Variants in GALNT13 observed in about 807,000 individuals in gnomAD.
GALNT13 encodes polypeptide N-acetylgalactosaminyltransferase 13, also known as UDP-GalNAc:polypeptide N-acetylgalactosaminyltransferase 13.
GALNT13 carries 28 observed loss-of-function variants against 64.2 expected under a neutral mutation model. The ratio of observed to expected loss-of-function variants is 0.44; its 90% CI spans 0.32 to 0.60. The LOEUF (loss-of-function observed/expected upper bound fraction) is 0.60, where lower values mean the gene tolerates loss of function less well. GALNT13 is among the 20% of genes least tolerant of loss of function. The pLI, the probability that GALNT13 is intolerant of heterozygous loss-of-function variation, is 0.05. For missense variants in GALNT13, 577 were observed against 669.8 expected (o/e 0.86, Z 1.53); for synonymous variants, 214 against 224.6 (o/e 0.95, Z 0.42).
At chr2:153,073,172 G>C in the GALNT13 span, among the ~76,000 whole-genome samples, 1 of 152,096 alleles carries the variant, frequency 6.6e-6, no homozygotes, top group Non-Finnish European at 1.5e-5. Context: ...TAAGGTCATG[G>C]ATAAGTTTCC....
intron 3 of GALNT13, among the ~76,000 whole-genome samples, chr2:154,135,707 G>A (rs1022649835): frequency 3.9e-5 from 6 of 152,098 alleles, no homozygotes; most frequent in Non-Finnish European, 7.4e-5. Flanking sequence ...GGTTCTTGTA[G>A]TGTCAGCTAC....
At chr2:153,564,202 A>ATAT in the GALNT13 span, among the ~76,000 whole-genome samples, 8 of 146,240 alleles carry the variant, frequency 5.5e-5, no homozygotes, top group African/African-American at 1.9e-4. Flanking sequence ...TTATATATAT[A>ATAT]TTTTTTTTAC....
chr2:154,390,275 A>G (rs529984407), intron 9 of GALNT13, among the ~76,000 whole-genome samples: 11 of 152,330 alleles, frequency 7.2e-5, no homozygotes, highest in African/African-American at 2.4e-4. Flanking sequence ...GATTTGTTAC[A>G]TGAGTAAACT....
At chr2:153,921,441 C>A (rs1256302561) in intron 2 of GALNT13, among the ~76,000 whole-genome samples, 1 of 152,056 alleles carries the variant, frequency 6.6e-6, no homozygotes, top group Non-Finnish European at 1.5e-5. Flanking sequence ...AAGAGGGGAA[C>A]AACAGGCACC....
chr2:154,091,231 T>C (rs566171385), intron 3 of GALNT13, among the ~76,000 whole-genome samples: 3 of 152,036 alleles, frequency 2.0e-5, no homozygotes, highest in Non-Finnish European at 4.4e-5. Flanking sequence ...GATTATGTTA[T>C]GTTGTAAAAT....
At chr2:153,181,507 A>G in the GALNT13 span, among the ~76,000 whole-genome samples, 1 of 151,296 alleles carries the variant, frequency 6.6e-6, no homozygotes, top group East Asian at 1.9e-4. Flanking sequence ...TAATCTGTGT[A>G]TATCTGTTAG....
At chr2:154,004,835 A>G (rs1013694) in intron 3 of GALNT13, among the ~76,000 whole-genome samples, 116,509 of 152,060 alleles carry the variant, frequency 0.77, 45,032 homozygotes, top group East Asian at 0.96. Context: ...ACAATGCTAA[A>G]CAAACAAATA....
At chr2:153,736,230 C>T in the GALNT13 span, among the ~76,000 whole-genome samples, 2 of 152,182 alleles carry the variant, frequency 1.3e-5, no homozygotes, top group African/African-American at 4.8e-5. Flanking sequence ...TCAGCCTGCA[C>T]TCATGGATTC....
At chr2:153,713,424 T>C in the GALNT13 span, among the ~76,000 whole-genome samples, 1 of 152,150 alleles carries the variant, frequency 6.6e-6, no homozygotes, top group Non-Finnish European at 1.5e-5. Flanking sequence ...ACATTATGAT[T>C]TTGTTGAAGT....
At chr2:153,713,485 G>A in the GALNT13 span, among the ~76,000 whole-genome samples, 1 of 152,094 alleles carries the variant, frequency 6.6e-6, no homozygotes, top group Non-Finnish European at 1.5e-5. Context: ...GCCATAAGGA[G>A]ACCATGTCTT....
At chr2:153,753,504 A>T in the GALNT13 span, among the ~76,000 whole-genome samples, 1 of 152,172 alleles carries the variant, frequency 6.6e-6, no homozygotes, top group African/African-American at 2.4e-5. Context: ...CTGAGGTCCT[A>T]CCTTGATGGT....
the GALNT13 span, among the ~76,000 whole-genome samples, chr2:153,629,716 C>G: frequency 6.6e-6 from 1 of 151,500 alleles, no homozygotes; most frequent in East Asian, 1.9e-4. Flanking sequence ...AGACAACCTA[C>G]AGAATGGGAG....
chr2:153,616,791 G>T, the GALNT13 span, among the ~76,000 whole-genome samples: 1 of 151,952 alleles, frequency 6.6e-6, no homozygotes, highest in Non-Finnish European at 1.5e-5. Context: ...CAGTATGAAT[G>T]AATTTGTTTA....
the GALNT13 span, among the ~76,000 whole-genome samples, chr2:153,685,530 ATTTG>A: frequency 4.6e-5 from 7 of 151,966 alleles, no homozygotes; most frequent in East Asian, 1.4e-3. Context: ...TTTCTTGTAA[ATTTG>A]TTTAAGTTCC....
chr2:153,223,701 G>A, the GALNT13 span, among the ~76,000 whole-genome samples: 1 of 152,162 alleles, frequency 6.6e-6, no homozygotes, highest in Non-Finnish European at 1.5e-5. Context: ...AGTGGCTCAT[G>A]CCTGCCCAGC....
chr2:153,749,914 G>C, the GALNT13 span, among the ~76,000 whole-genome samples: 1 of 151,958 alleles, frequency 6.6e-6, no homozygotes, highest in Non-Finnish European at 1.5e-5. Context: ...CCAGATCTTA[G>C]AGGAAAGACT....
the GALNT13 span, among the ~76,000 whole-genome samples, chr2:153,392,608 G>C: frequency 6.6e-6 from 1 of 152,100 alleles, no homozygotes; most frequent in Non-Finnish European, 1.5e-5. Flanking sequence ...TCCAAGGGCA[G>C]TCTGCTGACA....
intron 9 of GALNT13, among the ~76,000 whole-genome samples, chr2:154,351,355 A>G (rs1339258847): frequency 6.6e-6 from 1 of 151,852 alleles, no homozygotes; most frequent in Non-Finnish European, 1.5e-5. Context: ...TGCCGTTGTG[A>G]GCTTCAAGAA....
chr2:153,156,946 C>G, the GALNT13 span, among the ~76,000 whole-genome samples: 2 of 152,132 alleles, frequency 1.3e-5, no homozygotes, highest in East Asian at 3.9e-4. Context: ...ACAAACTATT[C>G]TTAGAGCTCT....
Sources: gnomAD v4.1 joint callset for allele counts (sites outside exome capture counted in the v4.1 genomes callset) on GRCh38, gnomAD v4.1.1 for gene constraint, MANE v1.5 for transcripts, NCBI Gene and HGNC (gene_info 2026-07-23, HGNC 2026-07-21) for gene names.